Variants in PPTC7 observed in about 807,000 individuals in gnomAD.
PPTC7 encodes protein phosphatase targeting COQ7.
A neutral mutation model predicts 30.8 loss-of-function variants in PPTC7; 6 were observed. That is an observed-to-expected ratio of 0.19 (90% CI 0.11 to 0.38). The LOEUF (loss-of-function observed/expected upper bound fraction) is 0.38, where lower values mean the gene tolerates loss of function less well. PPTC7 is among the 10% of genes least tolerant of loss of function. The pLI is 1.00. For missense variants in PPTC7, 218 were observed against 404.8 expected, an observed-to-expected ratio of 0.54 and a Z score of 3.96; for synonymous variants, 163 against 168.1, an observed-to-expected ratio of 0.97 and a Z score of 0.23.
intron 1 of PPTC7, among the ~76,000 whole-genome samples, chr12:110,565,013 T>C (rs955106611): frequency 6.6e-6 from 1 of 151,506 alleles, no homozygotes; most frequent in Non-Finnish European, 1.5e-5. Context: ...TAGCTGGGAT[T>C]ACAGGCACCC....
chr12:110,582,980 C>A lies in PPTC7; in HGVS notation c.52G>T (p.Gly18Cys). 6.6e-7 allele frequency: 1 copy of A among 1,524,900 alleles called. No homozygotes were observed. Among genetic ancestry groups the A allele is most frequent in the Non-Finnish European group, 8.8e-7 (1 of 1,136,804 alleles). 94.5% of individuals were successfully genotyped at this position (1,524,900 alleles called of 1,614,324 possible). Residue 18 changes from glycine to cysteine, a missense_variant, in exon 1 of 6, where the codon GGC becomes TGC. Physicochemically the swap from Gly to Cys is radical, Grantham distance 159. Coordinates refer to ENST00000354300, the MANE Select transcript of PPTC7 (RefSeq NM_139283.2). ...GRLVARAVLG[G>C]LSQTDPRAGG... ...GCCCTGGGGTCGGTCTGCGAGAGGC[C>A]GCCGAGCACGGCGCGGGCCACCAGC...
chr12:110,556,309 T>C (rs2064386993), intron 1 of PPTC7, among the ~76,000 whole-genome samples: 1 of 152,186 alleles, frequency 6.6e-6, no homozygotes. Flanking sequence ...TCAATAAAGC[T>C]GCAGGGAAAA....
intron 3 of PPTC7, among the ~76,000 whole-genome samples, chr12:110,540,533 G>T (rs552881793): frequency 3.9e-5 from 6 of 152,126 alleles, no homozygotes; most frequent in Admixed American, 2.6e-4. Context: ...TACATTTTTA[G>T]TAGAGACAGG....
intron 3 of PPTC7, among the ~76,000 whole-genome samples, chr12:110,540,310 T>TCCCCCCAC (rs2064248377): frequency 9.6e-6 from 1 of 104,392 alleles, no homozygotes; most frequent in African/African-American, 3.8e-5. Context: ...CCGAATTCCA[T>TCCCCCCAC]CCCCCCCCGC....
At chr12:110,581,346 G>A (rs1161598918) in intron 1 of PPTC7, among the ~76,000 whole-genome samples, 1 of 151,974 alleles carries the variant, frequency 6.6e-6, no homozygotes, top group Non-Finnish European at 1.5e-5. Flanking sequence ...CCGGGGAGGC[G>A]GAGGCTGCAG....
chr12:110,542,673 C>CAAAAAAAAAA (rs765332697), intron 3 of PPTC7, among the ~76,000 whole-genome samples: 1 of 26,790 alleles, frequency 3.7e-5, no homozygotes, highest in Non-Finnish European at 6.4e-5. Flanking sequence ...GACTCTGTCT[C>CAAAAAAAAAA]AAAAAAAAAA....
At chr12:110,557,454 G>A (rs1354530733) in intron 1 of PPTC7, among the ~76,000 whole-genome samples, 1 of 151,364 alleles carries the variant, frequency 6.6e-6, no homozygotes, top group Non-Finnish European at 1.5e-5. Flanking sequence ...TTTTTTTTAA[G>A]TTTTTGTAGA....
chr12:110,561,898 T>C (rs1306873509), intron 1 of PPTC7, among the ~76,000 whole-genome samples: 1 of 151,918 alleles, frequency 6.6e-6, no homozygotes, highest in Non-Finnish European at 1.5e-5. Flanking sequence ...GCTGTGATCG[T>C]GCCACTGTAC....
intron 3 of PPTC7, among the ~76,000 whole-genome samples, chr12:110,540,204 G>T (rs760703200): frequency 2.0e-5 from 3 of 152,044 alleles, no homozygotes; most frequent in Admixed American, 6.5e-5. Flanking sequence ...GTCACAAGTG[G>T]CTGAGAAGGA....
At chr12:110,566,142 T>G (rs1166436547) in intron 1 of PPTC7, among the ~76,000 whole-genome samples, 1 of 119,812 alleles carries the variant, frequency 8.3e-6, no homozygotes, top group African/African-American at 3.3e-5. Flanking sequence ...AACAATGCAG[T>G]GCAGAGCTTA....
At chr12:110,539,047 G>C (rs901925493) in intron 4 of PPTC7, among the ~76,000 whole-genome samples, 3 of 151,290 alleles carry the variant, frequency 2.0e-5, no homozygotes, top group African/African-American at 4.9e-5. Context: ...TCACCACACA[G>C]AGCACGGTGC....
chr12:110,542,624 T>C lies in PPTC7; in HGVS notation c.603-2679A>G, dbSNP rs542869508. Among the ~76,000 whole-genome samples, 14 of 144,992 alleles carry C rather than the reference T, an allele frequency of 9.7e-5. No individual in the cohort carries two copies. The East Asian group carries it at 1.8e-3, about 19-fold the overall frequency. On this transcript the variant is annotated intron_variant, in intron 3 of 5. Transcript: ENST00000354300. ...AGGCAGCAGTAGCAGTGAGCCGAGA[T>C]TGCGCCACTGCACTCCAGCAGCCTG...
intron 1 of PPTC7, among the ~76,000 whole-genome samples, chr12:110,578,750 C>T (rs994401672): frequency 1.3e-5 from 2 of 152,198 alleles, no homozygotes. Flanking sequence ...TTCAAAAGCA[C>T]TTAAGTTCAA....
At chr12:110,564,648 C>T (rs1476261270) in intron 1 of PPTC7, among the ~76,000 whole-genome samples, 1 of 152,072 alleles carries the variant, frequency 6.6e-6, no homozygotes, top group Non-Finnish European at 1.5e-5. Flanking sequence ...TCACATGCGG[C>T]CTGGCACAAA....
At chr12:110,566,060 G>T (rs1301061471) in intron 1 of PPTC7, among the ~76,000 whole-genome samples, 3 of 152,162 alleles carry the variant, frequency 2.0e-5, no homozygotes, top group African/African-American at 7.2e-5. Context: ...GGTTCCAAGA[G>T]CAGGGAAACT....
Position 110,583,247 on chromosome 12 carries a change from C to A in PPTC7, c.-216G>T. 5.5e-6 allele frequency: 1 copy of A among 183,290 alleles called. No homozygotes were observed. The highest frequency in any genetic ancestry group is 1.9e-4 in the South Asian group (1 of 5,294). 11.4% of individuals were successfully genotyped at this position (183,290 alleles called of 1,614,324 possible). A position where few individuals can be genotyped will look rare whatever the true frequency, so the allele number is the denominator to read the frequency against. On this transcript the variant is annotated 5_prime_UTR_variant, in exon 1 of 6. The change creates a new upstream start codon in the 5' untranslated region. Coordinates refer to ENST00000354300, the MANE Select transcript of PPTC7 (RefSeq NM_139283.2). ...AGAGCGAGGTCAGAAGCGGCGGCTC[C>A]TCCGCCTCAGCCCAACTGAAGTCCC... is the stretch of plus-strand genomic sequence containing the variant.
chr12:110,577,465 C>T (rs2064599602), intron 1 of PPTC7, among the ~76,000 whole-genome samples: 2 of 152,094 alleles, frequency 1.3e-5, no homozygotes, highest in South Asian at 2.1e-4. Flanking sequence ...GGACAACTCA[C>T]TTTCAGAATA....
chr12:110,579,630 T>C (rs577363962), intron 1 of PPTC7, among the ~76,000 whole-genome samples: 70 of 152,292 alleles, frequency 4.6e-4, no homozygotes, highest in African/African-American at 1.5e-3. Flanking sequence ...ACTGGTTTAG[T>C]GCTACATACA....
At chr12:110,539,737 CAA>C (rs2064242554) in intron 4 of PPTC7, 83 bp downstream of exon 4, 2 of 1,255,042 alleles carry the variant, frequency 1.6e-6, no homozygotes, top group South Asian at 2.9e-5. Context: ...TCCAAAACTA[CAA>C]AGAGATAATG....
Sources: allele counts gnomAD v4.1 joint callset (sites outside exome capture counted in the v4.1 genomes callset), GRCh38; gene constraint gnomAD v4.1.1; transcripts MANE v1.5; gene names NCBI Gene and HGNC (gene_info 2026-07-23, HGNC 2026-07-21).